The following INHBE variants were observed in gnomAD, a reference collection of about 807,000 sequenced individuals.
INHBE encodes the protein inhibin beta E chain.
In INHBE, 19 loss-of-function variants were observed where a neutral mutation model predicts 27.8. That is an observed-to-expected ratio of 0.68 (90% confidence interval 0.48 to 1.00). The LOEUF is 1.00. Among genes scored for constraint, INHBE ranks in the 50% least tolerant of loss-of-function variants. The probability of loss-of-function intolerance (pLI) is 0.00; values close to 1 mark genes in which losing one functional copy is unlikely to be tolerated. For missense variants in INHBE, 398 were observed against 433.9 expected, an observed-to-expected ratio of 0.92 and a Z score of 0.73; for synonymous variants, 196 against 187.2, an observed-to-expected ratio of 1.05 and a Z score of -0.38.
Position 57,456,344 on chromosome 12 carries a change from T to C in INHBE, c.549T>C (p.Ser183=), listed in dbSNP as rs151090647. Residue 183 remains serine (S), a synonymous_variant, in exon 2 of 2, where the codon TCT becomes TCC. Coordinates refer to ENST00000266646, the MANE Select transcript of INHBE (RefSeq NM_031479.5). ...CTAGTGGCTTGAGGGGTGAGAAGTC[T>C]GGTGTCCTGAAACTGCAACTAGACT... ...LPSSGLRGEK[S]GVLKLQLDCR... 3 of 1,614,048 alleles carry C rather than the reference T, an allele frequency of 1.9e-6. No homozygotes were observed. In the African/African-American group the frequency reaches 4.0e-5, roughly 22 times the overall value.
Position 57,456,862 on chromosome 12 carries a change from G to A in INHBE, c.*14G>A, listed in dbSNP as rs1870849648. 2.5e-6 allele frequency: 4 copies of A among 1,607,670 alleles called. No individual in the cohort carries two copies. The East Asian group carries it at 8.9e-5, about 36-fold the overall frequency. ...GGCTGCAGCTAGCAAGAGGACCTGG[G>A]GCTTTGGAGTGAAGAGACCAAGATG... On this transcript the variant is annotated 3_prime_UTR_variant, in exon 2 of 2. Coordinates refer to ENST00000266646, the MANE Select transcript of INHBE (RefSeq NM_031479.5).
At position 57,456,876 on chromosome 12, in the gene INHBE, G is replaced by T; in HGVS notation, c.*28G>T. On this transcript the variant is annotated 3_prime_UTR_variant, in exon 2 of 2. Coordinates refer to ENST00000266646, the MANE Select transcript of INHBE (RefSeq NM_031479.5). ...AGAGGACCTGGGGCTTTGGAGTGAAGAGACCAAGATGAAGTTTCCCAGGCA... is the reference window on the plus strand; with the variant it reads ...AGAGGACCTGGGGCTTTGGAGTGAATAGACCAAGATGAAGTTTCCCAGGCA... The T allele has an allele frequency of 1.3e-6, 2 of 1,594,264 alleles. No homozygotes were observed. Among genetic ancestry groups the T allele is most frequent in the South Asian group, 1.1e-5 (1 of 89,326 alleles).
rs769043643 is a variant in INHBE, at chr12:57,456,641, C to T, written c.846C>T (p.Pro282=). Reference sequence around the variant, plus strand: ...ATTACTGCAGTGGGCAGTGCCCTCCCCACCTGGCTGGCAGCCCAGGCATTG... The same window carrying T: ...ATTACTGCAGTGGGCAGTGCCCTCCTCACCTGGCTGGCAGCCCAGGCATTG... The part of the protein sequence containing the change: ...QLNYCSGQCP[P]HLAGSPGIAA... The change falls in exon 2 of 2, where the codon CCC becomes CCT. Residue 282 remains proline (P), a synonymous_variant. Transcript: ENST00000266646. 1.5e-5 allele frequency: 25 copies of T among 1,614,112 alleles called. No individual in the cohort carries two copies. In the South Asian group the frequency reaches 1.9e-4, roughly 12 times the overall value.
Position 57,457,190 on chromosome 12 carries a change from G to A in INHBE, c.*342G>A, listed in dbSNP as rs149278698. On this transcript the variant is annotated 3_prime_UTR_variant, in exon 2 of 2. Transcript: ENST00000266646. ...AAAATTACTTAGCCTCTCCCAAGATGAGAAAGTCCTCAAGTGAGGGGAGGA... is the reference window on the plus strand; with the variant it reads ...AAAATTACTTAGCCTCTCCCAAGATAAGAAAGTCCTCAAGTGAGGGGAGGA... 3.7e-3 allele frequency: 937 copies of A among 254,750 alleles called. 6 individuals carry two copies. The highest frequency in any genetic ancestry group is 0.02 in the African/African-American group (877 of 44,642). The allele number at this position is 254,750 out of a possible 1,614,324, so 15.8% of individuals were successfully genotyped here.
Position 57,455,601 on chromosome 12 carries a change from C to A in INHBE, c.65C>A (p.Thr22Lys). The change falls in exon 1 of 2, where the codon ACA (threonine) becomes AAA (lysine). Residue 22 changes from threonine to lysine, a missense_variant. Physicochemically the swap from Thr to Lys is moderately conservative, Grantham distance 78. Coordinates refer to ENST00000266646, the MANE Select transcript of INHBE (RefSeq NM_031479.5). Reference protein sequence around the residue: ...LLWALVRAQGTGSVCPSCGGS... With the variant: ...LLWALVRAQGKGSVCPSCGGS... Reference sequence around the variant, plus strand: ...TGGGCACTGGTGCGAGCACAGGGGACAGGGTCTGTGTGTCCCTCCTGTGGG... The same window carrying A: ...TGGGCACTGGTGCGAGCACAGGGGAAAGGGTCTGTGTGTCCCTCCTGTGGG... The A allele has an allele frequency of 6.2e-7, 1 of 1,614,048 alleles. No individual in the cohort carries two copies. The highest frequency in any genetic ancestry group is 8.5e-7 in the Non-Finnish European group (1 of 1,179,990).
At position 57,456,605 on chromosome 12, in the gene INHBE, G is replaced by A; in HGVS notation, c.810G>A (p.Gly270=). The change falls in exon 2 of 2, where the codon GGG becomes GGA. Residue 270 remains glycine (G), a synonymous_variant. Transcript: ENST00000266646. The part of the protein sequence containing the change: ...GWRDWILQPE[G]YQLNYCSGQC... ...GGGACTGGATACTGCAGCCCGAGGGGTACCAGCTGAATTACTGCAGTGGGC... is the reference window on the plus strand; with the variant it reads ...GGGACTGGATACTGCAGCCCGAGGGATACCAGCTGAATTACTGCAGTGGGC... 1 of 1,614,204 alleles carries A rather than the reference G, an allele frequency of 6.2e-7. No individual in the cohort carries two copies. The highest frequency in any genetic ancestry group is 1.1e-5 in the South Asian group (1 of 91,084).
Position 57,457,120 on chromosome 12 carries a change from T to A in INHBE, c.*272T>A, listed in dbSNP as rs1870855408. The A allele has an allele frequency of 2.8e-6, 1 of 358,692 alleles. No individual in the cohort carries two copies. The highest frequency in any genetic ancestry group is 4.7e-5 in the South Asian group (1 of 21,318). 22.2% of individuals were successfully genotyped at this position (358,692 alleles called of 1,614,324 possible). On this transcript the variant is annotated 3_prime_UTR_variant, in exon 2 of 2. Transcript: ENST00000266646. ...GCATGATTTCCTGCCCTAAGTCCTG[T>A]GAGAAGATGTCAGGGACTAGGGAGG...
At chr12:57,455,894 G>C in intron 1 of INHBE, 60 bp downstream of exon 1, 1 of 1,532,432 alleles carries the variant, frequency 6.5e-7, no homozygotes, top group Non-Finnish European at 8.9e-7. Flanking sequence ...CAGAAGGGGA[G>C]CCTGGCAGGA....
Position 57,457,353 on chromosome 12 carries a change from G to A in INHBE, c.*505G>A, listed in dbSNP as rs1157638272. On this transcript the variant is annotated 3_prime_UTR_variant, in exon 2 of 2. Transcript: ENST00000266646. ...AGGGAGGATGCTTAGGGGACCCCCA[G>A]AAACAGGAGTCAGGAAAATGAGGCA... 1 of 154,378 alleles carries A rather than the reference G, an allele frequency of 6.5e-6. No individual in the cohort carries two copies. The highest frequency in any genetic ancestry group is 2.4e-5 in the African/African-American group (1 of 41,584). 9.6% of individuals were successfully genotyped at this position (154,378 alleles called of 1,614,324 possible).
rs1014734661 is a variant in INHBE, at chr12:57,456,886, T to C, written c.*38T>C. 1 of 1,578,520 alleles carries C rather than the reference T, an allele frequency of 6.3e-7. No individual in the cohort carries two copies. Among genetic ancestry groups the C allele is most frequent in the Non-Finnish European group, 8.6e-7 (1 of 1,161,066 alleles). On this transcript the variant is annotated 3_prime_UTR_variant, in exon 2 of 2. Coordinates refer to ENST00000266646, the MANE Select transcript of INHBE (RefSeq NM_031479.5). Reference sequence around the variant, plus strand: ...GGGCTTTGGAGTGAAGAGACCAAGATGAAGTTTCCCAGGCACAGGGCATCT... The same window carrying C: ...GGGCTTTGGAGTGAAGAGACCAAGACGAAGTTTCCCAGGCACAGGGCATCT...
rs763025380 is a variant in INHBE, at chr12:57,456,887, G to T, written c.*39G>T. 1.9e-6 allele frequency: 3 copies of T among 1,576,970 alleles called. No homozygotes were observed. In the South Asian group the frequency reaches 3.5e-5, roughly 18 times the overall value. On this transcript the variant is annotated 3_prime_UTR_variant, in exon 2 of 2. Transcript: ENST00000266646. ...GGCTTTGGAGTGAAGAGACCAAGAT[G>T]AAGTTTCCCAGGCACAGGGCATCTG...
Position 57,456,705 on chromosome 12 carries a change from G to A in INHBE, c.910G>A (p.Ala304Thr). 6.2e-7 allele frequency: 1 copy of A among 1,614,194 alleles called. No individual in the cohort carries two copies. Among genetic ancestry groups the A allele is most frequent in the Non-Finnish European group, 8.5e-7 (1 of 1,180,040 alleles). ...FHSAVFSLLK[A>T]NNPWPASTSC... ...TTCTGCCGTCTTCAGCCTCCTCAAA[G>A]CCAACAATCCTTGGCCTGCCAGTAC... is the stretch of plus-strand genomic sequence containing the variant. The change falls in exon 2 of 2, where the codon GCC becomes ACC. Residue 304 changes from alanine (A) to threonine (T), a missense_variant. Ala to Thr is a moderately conservative substitution (Grantham distance 58, BLOSUM62 0). Transcript: ENST00000266646.
In INHBE at chr12:57,456,500, G is replaced by A. The variant is rs749434469; in HGVS notation, c.705G>A (p.Arg235=). The A allele has an allele frequency of 2.5e-6, 4 of 1,614,026 alleles. No homozygotes were observed. In the African/African-American group the frequency reaches 5.3e-5, roughly 22 times the overall value. The change falls in exon 2 of 2, where the codon AGG becomes AGA. Residue 235 remains arginine, a synonymous_variant. Coordinates refer to ENST00000266646, the MANE Select transcript of INHBE (RefSeq NM_031479.5). ...ANEPGAGRAR[R]RTPTCEPATP... ...AGCCTGGAGCAGGCCGGGCCAGGAG[G>A]AGGACCCCCACCTGTGAGCCTGCGA...
At position 57,456,821 on chromosome 12, in the gene INHBE, G is replaced by C. The variant is rs1251837427; in HGVS notation, c.1026G>C (p.Met342Ile). The C allele has an allele frequency of 6.2e-7, 1 of 1,613,272 alleles. No individual in the cohort carries two copies. ...GNVVKTDVPDMVVEACGCS is the reference protein window; with the variant it reads ...GNVVKTDVPDIVVEACGCS ...TGGTCAAGACGGATGTGCCAGATATGGTGGTGGAGGCCTGTGGCTGCAGCT... is the reference window on the plus strand; with the variant it reads ...TGGTCAAGACGGATGTGCCAGATATCGTGGTGGAGGCCTGTGGCTGCAGCT... The change falls in exon 2 of 2, where the codon ATG (methionine) becomes ATC (isoleucine). Residue 342 changes from methionine (M) to isoleucine (I), a missense_variant. Physicochemically the swap from Met to Ile is conservative, Grantham distance 10. Coordinates refer to ENST00000266646, the MANE Select transcript of INHBE (RefSeq NM_031479.5).
At position 57,456,805 on chromosome 12, in the gene INHBE, C is replaced by T. The variant is rs760258476; in HGVS notation, c.1010C>T (p.Thr337Met). 61 of 1,613,978 alleles carry T rather than the reference C, an allele frequency of 3.8e-5. No homozygotes were observed. The highest frequency in any genetic ancestry group is 5.0e-5 in the Admixed American group (3 of 59,992). ...YLDHNGNVVK[T>M]DVPDMVVEAC... ...GATCATAATGGCAATGTGGTCAAGA[C>T]GGATGTGCCAGATATGGTGGTGGAG... is the stretch of plus-strand genomic sequence containing the variant. The change falls in exon 2 of 2, where the codon ACG (threonine) becomes ATG (methionine). Residue 337 changes from threonine to methionine, a missense_variant. Transcript: ENST00000266646.
Position 57,456,554 on chromosome 12 carries a change from C to T in INHBE, c.759C>T (p.Tyr253=), listed in dbSNP as rs146517777. The change falls in exon 2 of 2, where the codon TAC becomes TAT. Residue 253 remains tyrosine (Y), a synonymous_variant. Transcript: ENST00000266646. The stretch of plus-strand genomic sequence containing the variant: ...CCTTATGTTGCAGGCGAGACCATTA[C>T]GTAGACTTCCAGGAACTGGGATGGC... The part of the protein sequence containing the change: ...ATPLCCRRDH[Y]VDFQELGWRD... The T allele has an allele frequency of 7.1e-5, 115 of 1,614,198 alleles. No homozygotes were observed. Among genetic ancestry groups the T allele is most frequent in the Non-Finnish European group, 8.3e-5 (98 of 1,180,040 alleles).
chr12:57,456,819 ATGGTGG>A lies in INHBE; in HGVS notation c.1028_1033del (p.Val343_Val344del). ...TGTGGTCAAGACGGATGTGCCAGAT[ATGGTGG>A]TGGAGGCCTGTGGCTGCAGCTAGCA... On this transcript the variant is annotated inframe_deletion, in exon 2 of 2. Transcript: ENST00000266646. The A allele has an allele frequency of 6.2e-7, 1 of 1,613,448 alleles. No individual in the cohort carries two copies. Among genetic ancestry groups the A allele is most frequent in the Non-Finnish European group, 8.5e-7 (1 of 1,179,604 alleles).
Position 57,456,673 on chromosome 12 carries a change from C to T in INHBE, c.878C>T (p.Ser293Phe), listed in dbSNP as rs1279558178. ...GCTGGCAGCCCAGGCATTGCTGCCT[C>T]TTTCCATTCTGCCGTCTTCAGCCTC... ...HLAGSPGIAA[S>F]FHSAVFSLLK... is the part of the protein sequence containing the mutation. Residue 293 changes from serine to phenylalanine, a missense_variant, in exon 2 of 2, where the codon TCT becomes TTT. Physicochemically the swap from Ser to Phe is radical, Grantham distance 155. Coordinates refer to ENST00000266646, the MANE Select transcript of INHBE (RefSeq NM_031479.5). The T allele has an allele frequency of 6.2e-7, 1 of 1,614,128 alleles. No individual in the cohort carries two copies. Among genetic ancestry groups the T allele is most frequent in the East Asian group, 2.2e-5 (1 of 44,898 alleles).
Position 57,455,558 on chromosome 12 carries a change from C to A in INHBE, c.22C>A (p.Leu8Ile). ...GAGCATGCGGCTCCCTGATGTCCAG[C>A]TCTGGCTGGTGCTGCTGTGGGCACT... is the stretch of plus-strand genomic sequence containing the variant. MRLPDVQ[L>I]WLVLLWALVR... The change falls in exon 1 of 2, where the codon CTC (leucine) becomes ATC (isoleucine). Residue 8 changes from leucine to isoleucine, a missense_variant. Coordinates refer to ENST00000266646, the MANE Select transcript of INHBE (RefSeq NM_031479.5). 1 of 1,611,434 alleles carries A rather than the reference C, an allele frequency of 6.2e-7. No homozygotes were observed. The highest frequency in any genetic ancestry group is 1.1e-5 in the South Asian group (1 of 90,972).
Sources: gnomAD v4.1 joint callset for allele counts on GRCh38, gnomAD v4.1.1 for gene constraint, MANE v1.5 for transcripts, NCBI Gene and HGNC (gene_info 2026-07-23, HGNC 2026-07-21) for gene names.